Variants in ARHGAP22 observed in about 807,000 individuals in gnomAD.
The protein encoded by ARHGAP22 is rho GTPase-activating protein 22.
Under a neutral mutation model 59.1 loss-of-function variants are expected in ARHGAP22, and 48 were observed. The ratio of observed to expected loss-of-function variants is 0.81; its 90% CI spans 0.64 to 1.03. The LOEUF (loss-of-function observed/expected upper bound fraction) is 1.03. Among genes scored for constraint, ARHGAP22 ranks in the 50% least tolerant of loss-of-function variants. ARHGAP22 has a pLI of 0.00. For missense variants in ARHGAP22, 1,015 were observed against 958.7 expected, an observed-to-expected ratio of 1.06 and a Z score of -0.78; for synonymous variants, 445 against 416.4, an observed-to-expected ratio of 1.07 and a Z score of -0.84.
chr10:48,474,904 G>A (rs2048567765), intron 4 of ARHGAP22, among the ~76,000 whole-genome samples: 1 of 152,090 alleles, frequency 6.6e-6, no homozygotes, highest in Non-Finnish European at 1.5e-5. Context: ...TGGTGTTCCA[G>A]CAATAATTCT....
rs554733731 is a variant in ARHGAP22, at chr10:48,514,576, C to A, written c.323-34812G>T. Among the ~76,000 whole-genome samples, 4 of 152,158 alleles carry A rather than the reference C, an allele frequency of 2.6e-5. No homozygotes were observed. The South Asian group carries it at 6.2e-4, about 24-fold the overall frequency. ...CAGTCCTTCGTCCTAGCTGATCAGA[C>A]CTACAAGAAATCCTAAAGGGACTCC... On this transcript the variant is annotated intron_variant, in intron 3 of 9. Coordinates refer to ENST00000249601, the MANE Select transcript of ARHGAP22 (RefSeq NM_021226.4).
chr10:48,471,957 C>T (rs2048268835), intron 4 of ARHGAP22, among the ~76,000 whole-genome samples: 1 of 152,146 alleles, frequency 6.6e-6, no homozygotes, highest in African/African-American at 2.4e-5. Flanking sequence ...ACCTGTAATC[C>T]CAGCACTTTG....
At chr10:48,611,427 G>GA (rs2060880419) in intron 1 of ARHGAP22, among the ~76,000 whole-genome samples, 1 of 152,160 alleles carries the variant, frequency 6.6e-6, no homozygotes, top group African/African-American at 2.4e-5. Context: ...AAGAAGGGGG[G>GA]AGGTCGCTGC....
At chr10:48,448,920 G>A (rs951659469) in intron 9 of ARHGAP22, among the ~76,000 whole-genome samples, 8 of 152,202 alleles carry the variant, frequency 5.3e-5, no homozygotes, top group African/African-American at 1.9e-4. Flanking sequence ...GGACAAATGG[G>A]TGAGGTCACT....
intron 3 of ARHGAP22, among the ~76,000 whole-genome samples, chr10:48,512,256 C>T (rs954469707): frequency 6.6e-6 from 1 of 152,348 alleles, no homozygotes; most frequent in African/African-American, 2.4e-5. Context: ...ACCGGCTTCT[C>T]AGTTGTGTAG....
intron 1 of ARHGAP22, among the ~76,000 whole-genome samples, chr10:48,620,757 A>G (rs59868190): frequency 0.055 from 8,298 of 152,246 alleles, 728 homozygotes; most frequent in African/African-American, 0.19. Flanking sequence ...CATAGGGTGC[A>G]GAGTAGGGAG....
intron 3 of ARHGAP22, among the ~76,000 whole-genome samples, chr10:48,528,455 A>T (rs1219101028): frequency 4.6e-5 from 7 of 152,008 alleles, no homozygotes; most frequent in Non-Finnish European, 7.4e-5. Context: ...GGGGCGGGGG[A>T]TAGGAGGTTG....
chr10:48,440,980 CAA>C, the ARHGAP22 span, among the ~76,000 whole-genome samples: 3 of 152,180 alleles, frequency 2.0e-5, no homozygotes, highest in Non-Finnish European at 4.4e-5. Flanking sequence ...GGGCAGCACA[CAA>C]GAGATGGTGC....
At chr10:48,639,924 T>C (rs74134003) in intron 1 of ARHGAP22, among the ~76,000 whole-genome samples, 7,545 of 152,212 alleles carry the variant, frequency 0.05, 545 homozygotes, top group African/African-American at 0.17. Flanking sequence ...AAAATAGCTA[T>C]TGTAAATATG....
intron 3 of ARHGAP22, among the ~76,000 whole-genome samples, chr10:48,524,405 G>A (rs921408389): frequency 6.6e-6 from 1 of 151,870 alleles, no homozygotes; most frequent in African/African-American, 2.4e-5. Context: ...CCTCGCCGGC[G>A]CCCTCCCCAC....
At chr10:48,586,456 T>C (rs1334340759) in intron 1 of ARHGAP22, among the ~76,000 whole-genome samples, 1 of 152,182 alleles carries the variant, frequency 6.6e-6, no homozygotes, top group Non-Finnish European at 1.5e-5. Flanking sequence ...ATAATGGAGA[T>C]GGCGCAGTGG....
the ARHGAP22 span, chr10:48,437,459 A>G: frequency 6.6e-6 from 1 of 152,182 alleles, no homozygotes; most frequent in Non-Finnish European, 1.5e-5. Context: ...TATATACTTA[A>G]TATACTCACT....
chr10:48,453,295 C>T lies in ARHGAP22; in HGVS notation c.988+9G>A, dbSNP rs772628033. 2.5e-6 allele frequency: 4 copies of T among 1,613,342 alleles called. No individual in the cohort carries two copies. In the South Asian group the frequency reaches 3.3e-5, roughly 13 times the overall value. ...GCACCCAGGGCCACCAGGTACACCT[C>T]CCACTTACCTTCCATGATGGTTACT... On this transcript the variant is annotated intron_variant, in intron 8 of 9. Transcript: ENST00000249601.
intron 3 of ARHGAP22, among the ~76,000 whole-genome samples, chr10:48,508,919 T>C (rs11101353): frequency 0.21 from 31,671 of 152,248 alleles, 5,421 homozygotes; most frequent in East Asian, 0.59. Flanking sequence ...TAAGGATGCC[T>C]TGTGGGTACC....
chr10:48,605,714 T>G (rs771267581), upstream of ARHGAP22, among the ~76,000 whole-genome samples: 4 of 152,182 alleles, frequency 2.6e-5, no homozygotes, highest in African/African-American at 4.8e-5. Context: ...ATAGCTATCA[T>G]TTATTAGGCA....
At chr10:48,632,716 A>G (rs894142607) in intron 1 of ARHGAP22, among the ~76,000 whole-genome samples, 2 of 152,162 alleles carry the variant, frequency 1.3e-5, no homozygotes, top group Non-Finnish European at 1.5e-5. Flanking sequence ...CTCACTTCCA[A>G]CACCAACTGC....
At chr10:48,593,699 A>G (rs2059902429) in intron 1 of ARHGAP22, among the ~76,000 whole-genome samples, 1 of 152,274 alleles carries the variant, frequency 6.6e-6, no homozygotes, top group African/African-American at 2.4e-5. Flanking sequence ...AGAACAGCAT[A>G]CAATTTAAAA....
At chr10:48,595,984 A>G (rs1325424684) in intron 1 of ARHGAP22, among the ~76,000 whole-genome samples, 8 of 152,004 alleles carry the variant, frequency 5.3e-5, no homozygotes, top group African/African-American at 1.7e-4. Flanking sequence ...AGGAGTGAAA[A>G]TATTAATTTT....
intron 1 of ARHGAP22, among the ~76,000 whole-genome samples, chr10:48,643,182 A>C (rs2062127612): frequency 6.6e-6 from 1 of 152,172 alleles, no homozygotes; most frequent in Admixed American, 6.5e-5. Flanking sequence ...ACAGTGTGGC[A>C]ATTCCTCAAG....
Sources: gnomAD v4.1 joint callset for allele counts (sites outside exome capture counted in the v4.1 genomes callset) on GRCh38, gnomAD v4.1.1 for gene constraint, MANE v1.5 for transcripts, NCBI Gene and HGNC (gene_info 2026-07-23, HGNC 2026-07-21) for gene names.